CCSER1: variants seen among roughly 807,000 people sequenced by gnomAD.
The protein encoded by CCSER1 is coiled-coil serine rich protein 1.
In CCSER1, 41 loss-of-function variants were observed where a neutral mutation model predicts 82.0. The ratio of observed to expected loss-of-function variants is 0.50; its 90% confidence interval spans 0.39 to 0.65. The LOEUF is 0.65. CCSER1 is among the 30% of genes least tolerant of loss of function. The probability of loss-of-function intolerance (pLI) is 0.00; values close to 1 mark genes in which losing one functional copy is unlikely to be tolerated. For missense variants in CCSER1, 1,119 were observed against 1,064.2 expected (o/e 1.05, Z -0.72); for synonymous variants, 414 against 383.9 (o/e 1.08, Z -0.92).
chr4:90,413,981 A>AATATATATATATATAT (rs70963066), intron 4 of CCSER1, among the ~76,000 whole-genome samples: 111 of 52,410 alleles, frequency 2.1e-3, no homozygotes, highest in African/African-American at 2.8e-3. Context: ...AAAAAAAAAA[A>AATATATATATATATAT]ATATATATAT....
At chr4:91,576,855 TA>T (rs1436291054) in intron 10 of CCSER1, among the ~76,000 whole-genome samples, 5 of 152,020 alleles carry the variant, frequency 3.3e-5, no homozygotes, top group Non-Finnish European at 4.4e-5. Flanking sequence ...TAGGAATACT[TA>T]ACCTATATTT....
chr4:90,525,238 TC>T (rs1026384583), intron 5 of CCSER1, among the ~76,000 whole-genome samples: 1 of 152,298 alleles, frequency 6.6e-6, no homozygotes, highest in Non-Finnish European at 1.5e-5. Context: ...TAGAACAACT[TC>T]CTTTTATCTT....
chr4:91,509,911 T>C (rs1159527703), intron 10 of CCSER1, among the ~76,000 whole-genome samples: 1 of 152,110 alleles, frequency 6.6e-6, no homozygotes, highest in East Asian at 1.9e-4. Flanking sequence ...ATTAGGTACA[T>C]TGTGTGATGC....
At chr4:91,572,686 G>T (rs2110288760) in intron 10 of CCSER1, among the ~76,000 whole-genome samples, 1 of 152,054 alleles carries the variant, frequency 6.6e-6, no homozygotes, top group East Asian at 2.0e-4. Context: ...TCTGGGCTGG[G>T]CATGATGGCT....
At chr4:90,604,893 T>G (rs1784444611) in intron 5 of CCSER1, among the ~76,000 whole-genome samples, 1 of 152,126 alleles carries the variant, frequency 6.6e-6, no homozygotes, top group East Asian at 1.9e-4. Context: ...CTCTGTAAAG[T>G]GGGCCAATCA....
chr4:90,938,441 T>G (rs1353618816), intron 9 of CCSER1, among the ~76,000 whole-genome samples: 1 of 152,074 alleles, frequency 6.6e-6, no homozygotes, highest in African/African-American at 2.4e-5. Flanking sequence ...CCCTCTTTAA[T>G]CTCATGTTTG....
intron 3 of CCSER1, among the ~76,000 whole-genome samples, chr4:90,366,592 A>C (rs1388092789): frequency 6.6e-6 from 1 of 151,812 alleles, no homozygotes; most frequent in Admixed American, 6.6e-5. Context: ...AAAGGGAAAA[A>C]AAATCCCACA....
chr4:91,308,122 A>G (rs1745206387), intron 10 of CCSER1, among the ~76,000 whole-genome samples: 1 of 151,954 alleles, frequency 6.6e-6, no homozygotes, highest in African/African-American at 2.4e-5. Context: ...TCTTCTTTGG[A>G]TGGGTATGCA....
Position 90,309,306 on chromosome 4 carries a change from C to T in CCSER1, c.1022C>T (p.Ser341Phe), listed in dbSNP as rs747173171. The T allele has an allele frequency of 1.1e-5, 17 of 1,613,868 alleles. No individual in the cohort carries two copies. The highest frequency in any genetic ancestry group is 1.1e-5 in the Non-Finnish European group (13 of 1,179,826). ...GAATCTAATTCATTACCGGAAACCTCTGCTGCTAATCAGAAGGAAGTGTTA... is the reference window on the plus strand; with the variant it reads ...GAATCTAATTCATTACCGGAAACCTTTGCTGCTAATCAGAAGGAAGTGTTA... ...STESNSLPETSAANQKEVLLQ... is the reference protein window; with the variant it reads ...STESNSLPETFAANQKEVLLQ... Residue 341 changes from serine to phenylalanine, a missense_variant, in exon 2 of 11, where the codon TCT becomes TTT. Ser to Phe is a radical substitution (Grantham distance 155, BLOSUM62 -2). Transcript: ENST00000509176.
intron 10 of CCSER1, among the ~76,000 whole-genome samples, chr4:91,155,138 G>T (rs767086188): frequency 3.3e-5 from 5 of 151,804 alleles, no homozygotes; most frequent in Admixed American, 6.6e-5. Context: ...ATTTGGAAAT[G>T]TGATATGGTT....
intron 5 of CCSER1, among the ~76,000 whole-genome samples, chr4:90,623,098 G>A (rs1722642112): frequency 6.7e-6 from 1 of 150,154 alleles, no homozygotes; most frequent in Admixed American, 6.7e-5. Context: ...CGCAATCTCG[G>A]CTTACTGCAA....
intron 10 of CCSER1, among the ~76,000 whole-genome samples, chr4:91,464,520 A>T (rs1756742498): frequency 6.6e-6 from 1 of 152,250 alleles, no homozygotes; most frequent in Non-Finnish European, 1.5e-5. Flanking sequence ...CCTTAAATGT[A>T]AATGGGCTAA....
At chr4:91,563,947 G>A (rs1282181734) in intron 10 of CCSER1, among the ~76,000 whole-genome samples, 3 of 151,774 alleles carry the variant, frequency 2.0e-5, no homozygotes, top group Non-Finnish European at 4.4e-5. Context: ...AGGTAAACAC[G>A]TGTCATGATA....
At chr4:90,710,849 T>C (rs1343407139) in intron 6 of CCSER1, among the ~76,000 whole-genome samples, 5 of 152,152 alleles carry the variant, frequency 3.3e-5, no homozygotes, top group Admixed American at 3.3e-4. Context: ...TAAACTGTTT[T>C]TTTCTTGTTC....
At chr4:90,686,110 C>G (rs772476757) in intron 6 of CCSER1, among the ~76,000 whole-genome samples, 1 of 152,102 alleles carries the variant, frequency 6.6e-6, no homozygotes, top group African/African-American at 2.4e-5. Context: ...GCTTCTAGCT[C>G]ACTGGAGTTC....
intron 7 of CCSER1, among the ~76,000 whole-genome samples, chr4:90,787,408 A>C (rs534794445): frequency 3.9e-5 from 6 of 152,226 alleles, no homozygotes; most frequent in Non-Finnish European, 1.5e-5. Flanking sequence ...TCATAACACT[A>C]CAACTTTGTG....
chr4:90,455,039 A>G (rs1761992433), intron 4 of CCSER1, among the ~76,000 whole-genome samples: 2 of 152,182 alleles, frequency 1.3e-5, no homozygotes, highest in South Asian at 2.1e-4. Flanking sequence ...TTGCTTCTCT[A>G]TTTCCCTGGG....
chr4:90,139,621 CAG>C (rs966290874), intron 1 of CCSER1, among the ~76,000 whole-genome samples: 4 of 151,986 alleles, frequency 2.6e-5, no homozygotes, highest in African/African-American at 9.7e-5. Context: ...TTGTGTCACT[CAG>C]AGAAATAATG....
chr4:90,517,981 T>G (rs1481313372), intron 5 of CCSER1, among the ~76,000 whole-genome samples: 1 of 152,030 alleles, frequency 6.6e-6, no homozygotes, highest in African/African-American at 2.4e-5. Flanking sequence ...CTTCCTAGAA[T>G]AGTGATAGAA....
Sources: allele counts gnomAD v4.1 joint callset (sites outside exome capture counted in the v4.1 genomes callset), GRCh38; gene constraint gnomAD v4.1.1; transcripts MANE v1.5; gene names NCBI Gene and HGNC (gene_info 2026-07-23, HGNC 2026-07-21).